Variants in ANKH observed in about 807,000 individuals in gnomAD.
ANKH encodes the protein ANKH inorganic pyrophosphate transport regulator.
A neutral mutation model predicts 49.0 loss-of-function variants in ANKH; 15 were observed. The observed-to-expected ratio is 0.31, with a 90% confidence interval of 0.20 to 0.47. The LOEUF is 0.47. ANKH is among the 20% of genes least tolerant of loss of function. The pLI is 1.00. For synonymous variants in ANKH, 273 were observed against 260.0 expected, an observed-to-expected ratio of 1.05 and a Z score of -0.48; for missense variants, 429 against 652.0, an observed-to-expected ratio of 0.66 and a Z score of 3.72.
chr5:14,812,853 T>C (rs1190632306), intron 1 of ANKH, among the ~76,000 whole-genome samples: 3 of 152,240 alleles, frequency 2.0e-5, no homozygotes, highest in Admixed American at 6.5e-5. Context: ...ACTGTCTATC[T>C]AGAAACAGAC....
intron 1 of ANKH, among the ~76,000 whole-genome samples, chr5:14,864,841 T>A (rs979846453): frequency 3.3e-5 from 5 of 152,210 alleles, no homozygotes; most frequent in Non-Finnish European, 7.3e-5. Context: ...GCTTCTGTGT[T>A]TTGTGAAACA....
intron 1 of ANKH, among the ~76,000 whole-genome samples, chr5:14,838,301 G>A (rs1211352049): frequency 6.7e-6 from 1 of 148,784 alleles, no homozygotes; most frequent in Admixed American, 6.8e-5. Context: ...CGAGTTAATG[G>A]GTGCAGCACA....
intron 1 of ANKH, among the ~76,000 whole-genome samples, chr5:14,817,600 T>C (rs1389407072): frequency 6.6e-6 from 1 of 152,184 alleles, no homozygotes; most frequent in East Asian, 1.9e-4. Flanking sequence ...CTTGACCTGA[T>C]ACAGAGTGAC....
intron 1 of ANKH, among the ~76,000 whole-genome samples, chr5:14,850,637 G>A (rs952408946): frequency 6.6e-5 from 10 of 152,198 alleles, no homozygotes; most frequent in African/African-American, 2.4e-4. Flanking sequence ...CTCCTGGAAA[G>A]GCAGGGTGAA....
rs1191544456 is a variant in ANKH, at chr5:14,713,827, A to G, written c.1142-160T>C. Among the ~76,000 whole-genome samples, 1 of 152,152 alleles carries G rather than the reference A, an allele frequency of 6.6e-6. No individual in the cohort carries two copies. Among genetic ancestry groups the G allele is most frequent in the Non-Finnish European group, 1.5e-5 (1 of 68,014 alleles). ...CCTCATCTTCCTGCCAGGGTTCCCC[A>G]TCCCTGCTCCTGAGCCTAGGCCCGC... On this transcript the variant is annotated intron_variant, in intron 9 of 11. Transcript: ENST00000284268. This position sits in a 1 kb window ranked among gnomAD's most constrained non-coding sequence, Gnocchi z 4.4.
chr5:14,742,625 T>C (rs1317546727), intron 7 of ANKH, among the ~76,000 whole-genome samples: 1 of 152,166 alleles, frequency 6.6e-6, no homozygotes, highest in Non-Finnish European at 1.5e-5. Flanking sequence ...ACCCTGGAGC[T>C]CTCTGAGGGC....
intron 6 of ANKH, among the ~76,000 whole-genome samples, chr5:14,746,717 C>T (rs2126476011): frequency 6.6e-6 from 1 of 152,272 alleles, no homozygotes; most frequent in South Asian, 2.1e-4. Flanking sequence ...GTAAGTTTCT[C>T]CCAAAGTCAG....
intron 8 of ANKH, among the ~76,000 whole-genome samples, chr5:14,738,661 G>T (rs1738259703): frequency 1.3e-5 from 2 of 152,060 alleles, no homozygotes; most frequent in Admixed American, 1.3e-4. Context: ...AGGGGCAGTG[G>T]CTCATGCCTC....
chr5:14,738,494 G>A (rs1738254582), intron 8 of ANKH, among the ~76,000 whole-genome samples: 1 of 152,192 alleles, frequency 6.6e-6, no homozygotes, highest in African/African-American at 2.4e-5. Flanking sequence ...CCAATGCGTG[G>A]AGGGCTGTGG....
rs748439049 is a variant in ANKH at position 14,741,922 on chromosome 5, T to C, written c.916A>G (p.Asn306Asp). The C allele has an allele frequency of 1.2e-5, 19 of 1,613,840 alleles. No homozygotes were observed. The highest frequency in any genetic ancestry group is 1.3e-5 in the Non-Finnish European group (15 of 1,179,834). ...IRAVYPAFDK[N>D]NPSNKLVSTS... The stretch of plus-strand genomic sequence containing the variant: ...CTCACCAGTTTGTTGCTGGGGTTAT[T>C]CTGGGGAAAGAAAACCACAGTCATG... The change falls in exon 8 of 12, where the codon AAT becomes GAT. Residue 306 changes from asparagine (N) to aspartate (D), a missense_variant and splice_region_variant. Physicochemically the swap from Asn to Asp is conservative, Grantham distance 23 (BLOSUM62 1). Around this residue, in one of 2 missense-constraint regions of ANKH, gnomAD observed 378 missense variants for 615.3 expected, o/e 0.61. Coordinates refer to ENST00000284268, the MANE Select transcript of ANKH (RefSeq NM_054027.6).
chr5:14,813,596 G>A (rs1018499537), intron 1 of ANKH, among the ~76,000 whole-genome samples: 2 of 152,136 alleles, frequency 1.3e-5, no homozygotes, highest in East Asian at 3.9e-4. Flanking sequence ...ACTGACGTGT[G>A]CCACAGTGAC....
At chr5:14,727,011 C>T (rs765262154) in intron 8 of ANKH, among the ~76,000 whole-genome samples, 5 of 152,162 alleles carry the variant, frequency 3.3e-5, no homozygotes, top group Admixed American at 2.6e-4. Flanking sequence ...GGGAACCTCA[C>T]AGGAGGGATG....
chr5:14,754,590 T>C (rs1171375943), intron 4 of ANKH, among the ~76,000 whole-genome samples: 1 of 151,658 alleles, frequency 6.6e-6, no homozygotes, highest in African/African-American at 2.4e-5. Flanking sequence ...ATTGCTAGTA[T>C]TTACACACAC....
At chr5:14,744,401 G>T (rs953575828) in intron 7 of ANKH, among the ~76,000 whole-genome samples, 3 of 152,166 alleles carry the variant, frequency 2.0e-5, no homozygotes, top group Non-Finnish European at 2.9e-5. Context: ...GCTTAGGCAG[G>T]GGAATCCCTC....
At chr5:14,843,428 G>A (rs574439056) in intron 1 of ANKH, among the ~76,000 whole-genome samples, 16 of 150,668 alleles carry the variant, frequency 1.1e-4, no homozygotes, top group South Asian at 4.2e-4. Flanking sequence ...TGCCTGCCTC[G>A]GCCTCCCAAA....
At chr5:14,763,697 G>A (rs1243404548) in intron 2 of ANKH, among the ~76,000 whole-genome samples, 1 of 152,246 alleles carries the variant, frequency 6.6e-6, no homozygotes, top group African/African-American at 2.4e-5. Context: ...CAGGAGATCT[G>A]CTTCTTTCTA....
chr5:14,814,084 G>A (rs953080277), intron 1 of ANKH, among the ~76,000 whole-genome samples: 2 of 152,114 alleles, frequency 1.3e-5, no homozygotes, highest in Non-Finnish European at 2.9e-5. Context: ...TAACATCCTC[G>A]AGACAGCGTT....
intron 7 of ANKH, among the ~76,000 whole-genome samples, chr5:14,743,298 A>G (rs1738422589): frequency 6.6e-6 from 1 of 152,198 alleles, no homozygotes; most frequent in South Asian, 2.1e-4. Context: ...GAGGAGGCCT[A>G]TGTTGGAAAG....
intron 2 of ANKH, 150 bp downstream of exon 2, chr5:14,768,825 A>G (rs1739331218): frequency 1.2e-5 from 10 of 843,688 alleles, no homozygotes; most frequent in Non-Finnish European, 1.8e-5. Context: ...CTAGGAGCAC[A>G]AGCGCTTTCC....
Sources: allele counts gnomAD v4.1 joint callset (sites outside exome capture counted in the v4.1 genomes callset), GRCh38; gene constraint gnomAD v4.1.1; regional missense constraint gnomAD v4.1.1; non-coding constraint Gnocchi (gnomAD v3.1); transcripts MANE v1.5; gene names NCBI Gene and HGNC (gene_info 2026-07-23, HGNC 2026-07-21).